The following GRIK1 variants were observed in gnomAD, a reference collection of about 807,000 sequenced individuals.
The protein encoded by GRIK1 is glutamate ionotropic receptor kainate type subunit 1, also known as glutamate receptor ionotropic, kainate 1.
In GRIK1, 69 loss-of-function variants were observed where a neutral mutation model predicts 105.7. That is an observed-to-expected ratio of 0.65 (90% CI 0.54 to 0.80). The LOEUF (loss-of-function observed/expected upper bound fraction) is 0.80, where lower values mean the gene tolerates loss of function less well. Ranked by LOEUF, GRIK1 falls within the 30% of genes least tolerant of loss-of-function variation. GRIK1 has a pLI of 0.00. For missense variants in GRIK1, 1,109 were observed against 1,167.3 expected (o/e 0.95, Z 0.73); for synonymous variants, 438 against 431.3 (o/e 1.02, Z -0.19).
intron 1 of GRIK1, among the ~76,000 whole-genome samples, chr21:29,763,321 G>A (rs1448291070): frequency 6.6e-6 from 1 of 152,066 alleles, no homozygotes; most frequent in Non-Finnish European, 1.5e-5. Flanking sequence ...AGTTTCCTGA[G>A]GCTTCCCCAG....
At chr21:29,538,905 CA>C (rs1216729775) in intron 16 of GRIK1, among the ~76,000 whole-genome samples, 1 of 152,074 alleles carries the variant, frequency 6.6e-6, no homozygotes, top group African/African-American at 2.4e-5. Context: ...TACTTGATTT[CA>C]AAACCAGGCC....
intron 1 of GRIK1, among the ~76,000 whole-genome samples, chr21:29,827,978 T>A (rs1239305638): frequency 9.3e-5 from 10 of 107,636 alleles, no homozygotes; most frequent in Non-Finnish European, 4.2e-5. Context: ...AGTTAGGATC[T>A]CTCTCTCTCT....
At chr21:29,908,428 TG>T (rs1203135374) in intron 1 of GRIK1, among the ~76,000 whole-genome samples, 1 of 152,154 alleles carries the variant, frequency 6.6e-6, no homozygotes, top group African/African-American at 2.4e-5. Context: ...TTCCTGCTGG[TG>T]CTCTTCTTAG....
intron 1 of GRIK1, among the ~76,000 whole-genome samples, chr21:29,897,389 G>T (rs1460938613): frequency 2.6e-5 from 4 of 152,152 alleles, no homozygotes; most frequent in Admixed American, 2.6e-4. Flanking sequence ...AAGCATGGCA[G>T]AGAATTCAAT....
chr21:29,785,661 C>A (rs549292951), intron 1 of GRIK1, among the ~76,000 whole-genome samples: 1 of 151,456 alleles, frequency 6.6e-6, no homozygotes, highest in Non-Finnish European at 1.5e-5. Flanking sequence ...GCAGAAAGTG[C>A]GTGTTCCTTA....
intron 1 of GRIK1, among the ~76,000 whole-genome samples, chr21:29,826,675 G>T (rs456996): frequency 0.39 from 58,775 of 151,598 alleles, 12,440 homozygotes; most frequent in East Asian, 0.69. Flanking sequence ...GAATACATAT[G>T]TATATGTATA....
intron 16 of GRIK1, among the ~76,000 whole-genome samples, chr21:29,552,070 C>A (rs1377154070): frequency 2.6e-5 from 4 of 152,086 alleles, no homozygotes; most frequent in Non-Finnish European, 5.9e-5. Context: ...AACTAGTCAA[C>A]TTTCCTGAAT....
chr21:29,622,070 C>T (rs551147571), intron 7 of GRIK1, among the ~76,000 whole-genome samples: 1 of 152,162 alleles, frequency 6.6e-6, no homozygotes. Flanking sequence ...TCTCAGCCTC[C>T]TGAGTAGCTG....
chr21:29,612,157 T>G (rs1367061340), intron 7 of GRIK1, among the ~76,000 whole-genome samples: 3 of 152,198 alleles, frequency 2.0e-5, no homozygotes, highest in Non-Finnish European at 4.4e-5. Context: ...AATTGACACA[T>G]AGCGTTCTAT....
intron 1 of GRIK1, among the ~76,000 whole-genome samples, chr21:29,762,537 C>T (rs1322826038): frequency 5.3e-5 from 8 of 152,144 alleles, no homozygotes. Context: ...CACTAGAATT[C>T]CAACTATAAT....
chr21:29,892,585 C>T (rs142009889), intron 1 of GRIK1, among the ~76,000 whole-genome samples: 2 of 152,252 alleles, frequency 1.3e-5, no homozygotes, highest in Non-Finnish European at 1.5e-5. Flanking sequence ...CTGGCACAGC[C>T]GTACCCACCC....
intron 1 of GRIK1, among the ~76,000 whole-genome samples, chr21:29,726,773 G>T (rs182434481): frequency 6.6e-6 from 1 of 151,406 alleles, no homozygotes; most frequent in Admixed American, 6.6e-5. Flanking sequence ...AATTGTTATT[G>T]GTACATGTAG....
chr21:29,808,292 G>A (rs1383585013), intron 1 of GRIK1, among the ~76,000 whole-genome samples: 1 of 152,136 alleles, frequency 6.6e-6, no homozygotes, highest in East Asian at 1.9e-4. Context: ...TCATTGGTGA[G>A]TTCCAGTGAT....
chr21:29,678,682 T>A (rs2063318632), intron 3 of GRIK1, among the ~76,000 whole-genome samples: 1 of 152,162 alleles, frequency 6.6e-6, no homozygotes, highest in Non-Finnish European at 1.5e-5. Context: ...TTTTTTGATA[T>A]TGAGTGTAAA....
At chr21:29,695,476 C>A (rs11700901) in intron 1 of GRIK1, among the ~76,000 whole-genome samples, 62,083 of 139,202 alleles carry the variant, frequency 0.45, 14,821 homozygotes, top group Non-Finnish European at 0.56. Flanking sequence ...ATCTATCTAT[C>A]TATATATATA....
intron 3 of GRIK1, among the ~76,000 whole-genome samples, chr21:29,677,893 G>A (rs2063302383): frequency 6.6e-6 from 1 of 152,178 alleles, no homozygotes; most frequent in Non-Finnish European, 1.5e-5. Context: ...CCTCTACACA[G>A]CCACTGCTGA....
intron 1 of GRIK1, among the ~76,000 whole-genome samples, chr21:29,815,586 T>C (rs1366942700): frequency 6.6e-6 from 1 of 152,160 alleles, no homozygotes; most frequent in East Asian, 1.9e-4. Flanking sequence ...TAAAGAAAGA[T>C]AATATATAAA....
intron 1 of GRIK1, among the ~76,000 whole-genome samples, chr21:29,786,467 C>T (rs1388906221): frequency 2.0e-5 from 3 of 152,224 alleles, no homozygotes; most frequent in Non-Finnish European, 4.4e-5. Flanking sequence ...GGGCCACCTT[C>T]GACCCTCTAC....
chr21:29,926,981 A>G (rs977557462), intron 1 of GRIK1, among the ~76,000 whole-genome samples: 9 of 152,128 alleles, frequency 5.9e-5, no homozygotes, highest in African/African-American at 1.7e-4. Context: ...CTGTTGTTCA[A>G]TCTGACCGAG....
Sources: allele counts gnomAD v4.1 joint callset (sites outside exome capture counted in the v4.1 genomes callset), GRCh38; gene constraint gnomAD v4.1.1; transcripts MANE v1.5; gene names NCBI Gene and HGNC (gene_info 2026-07-23, HGNC 2026-07-21).